FABP6: variants seen among roughly 807,000 people sequenced by gnomAD.
FABP6 encodes the protein fatty acid binding protein 6, also known as gastrotropin.
A neutral mutation model predicts 14.9 loss-of-function variants in FABP6; 13 were observed. The observed-to-expected ratio is 0.87, with a 90% CI of 0.57 to 1.39. The LOEUF is 1.39. Among genes scored for constraint, FABP6 ranks in the 40% most tolerant of loss-of-function variants. The pLI is 0.00. For synonymous variants in FABP6, 75 were observed against 63.6 expected (o/e 1.18, Z -0.85); for missense variants, 161 against 167.2 (o/e 0.96, Z 0.20).
chr5:160,210,455 G>A (rs2113101081), intron 2 of FABP6, among the ~76,000 whole-genome samples: 1 of 152,296 alleles, frequency 6.6e-6, no homozygotes, highest in African/African-American at 2.4e-5. Context: ...CCCTATGGTG[G>A]AAATTCAGGC....
intron 3 of FABP6, among the ~76,000 whole-genome samples, chr5:160,238,157 G>C (rs1760557044): frequency 6.6e-6 from 1 of 152,146 alleles, no homozygotes; most frequent in Admixed American, 6.6e-5. Context: ...CTTCTCGAGA[G>C]TAGGGACTGT....
chr5:160,219,522 G>A (rs1039434556), intron 3 of FABP6, among the ~76,000 whole-genome samples: 1 of 152,118 alleles, frequency 6.6e-6, no homozygotes, highest in Non-Finnish European at 1.5e-5. Flanking sequence ...GGGAAGAGGC[G>A]GGCATGGGTG....
chr5:160,232,292 T>C lies in FABP6; in HGVS notation c.243+19T>C. On this transcript the variant is annotated intron_variant, in intron 2 of 3. Transcript: ENST00000402432. ...GTTCAAGGTGAGAGGCCACTGGCTG[T>C]CCCCCTCCTTCCCCAGGCCTCCATC... The C allele has an allele frequency of 6.4e-7, 1 of 1,566,072 alleles. No individual in the cohort carries two copies. Among genetic ancestry groups the C allele is most frequent in the Non-Finnish European group, 8.7e-7 (1 of 1,153,274 alleles).
intron 3 of FABP6, among the ~76,000 whole-genome samples, chr5:160,217,473 T>C (rs745416672): frequency 5.9e-5 from 9 of 152,170 alleles, no homozygotes; most frequent in Non-Finnish European, 8.8e-5. Flanking sequence ...AAGCTGGGAA[T>C]TGGACAGAGC....
intron 1 of FABP6, among the ~76,000 whole-genome samples, chr5:160,193,002 T>C (rs1370720465): frequency 6.6e-6 from 1 of 152,214 alleles, no homozygotes; most frequent in Non-Finnish European, 1.5e-5. Flanking sequence ...TCTGAACTAC[T>C]TGGGAAGCTG....
At chr5:160,212,660 A>G (rs1314323645) in intron 2 of FABP6, among the ~76,000 whole-genome samples, 1 of 151,968 alleles carries the variant, frequency 6.6e-6, no homozygotes, top group East Asian at 1.9e-4. Context: ...TAGTAGAGAC[A>G]GGGTTTCACC....
At chr5:160,211,350 T>C (rs1253890075) in intron 2 of FABP6, among the ~76,000 whole-genome samples, 1 of 152,176 alleles carries the variant, frequency 6.6e-6, no homozygotes, top group Non-Finnish European at 1.5e-5. Context: ...TTGGGCTTTC[T>C]CTCCTGGTAT....
chr5:160,207,525 A>G (rs998591151), intron 2 of FABP6, among the ~76,000 whole-genome samples: 3 of 152,194 alleles, frequency 2.0e-5, no homozygotes, highest in African/African-American at 7.2e-5. Flanking sequence ...AACAGTGTAA[A>G]TCATCTTTCA....
At chr5:160,211,983 C>CTTTT (rs70990712) in intron 2 of FABP6, among the ~76,000 whole-genome samples, 12 of 103,020 alleles carry the variant, frequency 1.2e-4, no homozygotes, top group African/African-American at 3.4e-4. Context: ...TATGCAAGTT[C>CTTTT]TTTTTTTTTT....
rs761535336 is a variant in FABP6, at chr5:160,196,460, G to A, written c.-58-2589G>A. The A allele has an allele frequency of 9.8e-5, 15 of 152,368 alleles. 1 individual carries two copies. Among genetic ancestry groups the A allele is most frequent in the Non-Finnish European group, 1.8e-4 (12 of 68,046 alleles). The allele number at this position is 152,368 out of a possible 1,614,324, so 9.4% of individuals were successfully genotyped here. ...TTTCCTGGGGGACTAGTGTATATAC[G>A]AGCCTCAGGTCTTGTAAGGTTTTGG... is the stretch of plus-strand genomic sequence containing the variant. On this transcript the variant is annotated intron_variant, in intron 1 of 6. Coordinates refer to the FABP6 transcript ENST00000393980.
intron 2 of FABP6, among the ~76,000 whole-genome samples, chr5:160,233,980 C>T (rs956635951): frequency 1.3e-5 from 2 of 152,094 alleles, no homozygotes; most frequent in Non-Finnish European, 2.9e-5. Context: ...ATTTGAACCC[C>T]AGCTATTTGC....
At chr5:160,211,247 C>T (rs1011792050) in intron 2 of FABP6, among the ~76,000 whole-genome samples, 5 of 152,102 alleles carry the variant, frequency 3.3e-5, no homozygotes, top group Non-Finnish European at 7.4e-5. Context: ...CTTGAAGATA[C>T]TGCTGCATGT....
chr5:160,213,844 A>G (rs751181952), intron 3 of FABP6: 1 of 1,591,736 alleles, frequency 6.3e-7, no homozygotes, highest in Admixed American at 1.7e-5. Context: ...AAGGGAGGGA[A>G]GGGTTCCTGA....
At chr5:160,232,732 A>G (rs6893446) in intron 2 of FABP6, among the ~76,000 whole-genome samples, 108,685 of 151,280 alleles carry the variant, frequency 0.72, 39,290 homozygotes, top group East Asian at 0.91. Context: ...CCCCATCTCT[A>G]CCAAAAATAC....
At chr5:160,213,546 C>G (rs1427719514) in intron 2 of FABP6, among the ~76,000 whole-genome samples, 1 of 152,202 alleles carries the variant, frequency 6.6e-6, no homozygotes, top group Non-Finnish European at 1.5e-5. Context: ...GTCTGTTTTC[C>G]AAGCCTGAAA....
intron 1 of FABP6, among the ~76,000 whole-genome samples, chr5:160,193,918 C>T (rs532373666): frequency 1.8e-4 from 27 of 152,354 alleles, no homozygotes; most frequent in African/African-American, 6.3e-4. Flanking sequence ...CTTGGGCGGT[C>T]GATGGGACTG....
chr5:160,228,018 A>T (rs1486371817), upstream of FABP6, among the ~76,000 whole-genome samples: 1 of 152,068 alleles, frequency 6.6e-6, no homozygotes, highest in East Asian at 1.9e-4. Context: ...TATTGAATTC[A>T]GCTTTAGATG....
chr5:160,193,677 T>G (rs966944812), intron 1 of FABP6, among the ~76,000 whole-genome samples: 52 of 152,324 alleles, frequency 3.4e-4, no homozygotes, highest in Admixed American at 3.2e-3. Flanking sequence ...TGTCGATTGG[T>G]GCACTCACAA....
At chr5:160,196,289 G>GAGGGTTGAGAAGGCTTTCCCCAA (rs1759507358) in intron 1 of FABP6, among the ~76,000 whole-genome samples, 1 of 152,206 alleles carries the variant, frequency 6.6e-6, no homozygotes, top group Non-Finnish European at 1.5e-5. Flanking sequence ...GCCTTCCCCA[G>GAGGGTTGAGAAGGCTTTCCCCAA]GAGGGTTGAG....
Sources: allele counts gnomAD v4.1 joint callset (sites outside exome capture counted in the v4.1 genomes callset), GRCh38; gene constraint gnomAD v4.1.1; transcripts MANE v1.5; gene names NCBI Gene and HGNC (gene_info 2026-07-23, HGNC 2026-07-21).